The following CEP250 variants were observed in gnomAD, a reference collection of about 807,000 sequenced individuals.
CEP250 encodes centrosomal protein 250.
In CEP250, 242 loss-of-function variants were observed where a neutral mutation model predicts 315.7. The observed-to-expected ratio is 0.77, with a 90% CI of 0.69 to 0.85. The LOEUF is 0.85. CEP250 is among the 40% of genes least tolerant of loss of function. CEP250 has a pLI of 0.00. For missense variants in CEP250, 2,515 were observed against 2,886.4 expected (o/e 0.87, Z 2.95); for synonymous variants, 1,088 against 1,175.0 (o/e 0.93, Z 1.51).
chr20:35,512,246 C>A lies in CEP250; in HGVS notation c.*620C>A. Reference sequence around the variant, plus strand: ...AGAAGAACTGTAGAAATTCCAGGGGCTGAGGAAGGGAGGCACGAACTGGCC... The same window carrying A: ...AGAAGAACTGTAGAAATTCCAGGGGATGAGGAAGGGAGGCACGAACTGGCC... On this transcript the variant is annotated 3_prime_UTR_variant, in exon 35 of 35. Transcript: ENST00000397527. The A allele has an allele frequency of 5.8e-6, 1 of 172,464 alleles. No individual in the cohort carries two copies. Among genetic ancestry groups the A allele is most frequent in the Non-Finnish European group, 1.2e-5 (1 of 86,486 alleles). The allele number at this position is 172,464 out of a possible 1,614,324, so 10.7% of individuals were successfully genotyped here. A position where few individuals can be genotyped will look rare whatever the true frequency, so the allele number is the denominator to read the frequency against.
intron 5 of CEP250, among the ~76,000 whole-genome samples, chr20:35,465,503 G>A (rs2062853964): frequency 6.6e-6 from 1 of 151,960 alleles, no homozygotes; most frequent in Non-Finnish European, 1.5e-5. Flanking sequence ...AAGGCCATTA[G>A]TGAAAGATAC....
chr20:35,496,683 G>A lies in CEP250; in HGVS notation c.3274G>A (p.Ala1092Thr). 7 of 1,614,028 alleles carry A rather than the reference G, an allele frequency of 4.3e-6. No individual in the cohort carries two copies. Among genetic ancestry groups the A allele is most frequent in the Non-Finnish European group, 5.9e-6 (7 of 1,179,980 alleles). ...LSALRQDMQE[A>T]QGEQKELSAQ... ...TGCCCTGCGCCAGGACATGCAGGAGGCCCAGGGAGAACAGAAAGAGCTCAG... is the reference window on the plus strand; with the variant it reads ...TGCCCTGCGCCAGGACATGCAGGAGACCCAGGGAGAACAGAAAGAGCTCAG... Residue 1092 changes from alanine to threonine, a missense_variant, in exon 25 of 35, where the codon GCC becomes ACC. By Grantham distance (58) the Ala-to-Thr change is moderately conservative. Coordinates refer to ENST00000397527, the MANE Select transcript of CEP250 (RefSeq NM_007186.6).
chr20:35,496,581 ACT>A lies in CEP250; in HGVS notation c.3178_3179del (p.Ser1060ThrfsTer15), dbSNP rs2063839688. 1.2e-6 allele frequency: 2 copies of A among 1,613,288 alleles called. No individual in the cohort carries two copies. The highest frequency in any genetic ancestry group is 1.7e-5 in the Admixed American group (1 of 59,860). On this transcript the variant is annotated frameshift_variant, in exon 25 of 35. Coordinates refer to ENST00000397527, the MANE Select transcript of CEP250 (RefSeq NM_007186.6). LOFTEE classifies it high-confidence loss of function. ...CTCTGACCCCTCTCTTTTTAGCCTG[ACT>A]CTCTCACTGATGGAAAAGGAACAGA... is the stretch of plus-strand genomic sequence containing the variant. ...KELEREKASL[T>X]LSLMEKEQRL...
chr20:35,478,796 C>T (rs1478801637), intron 17 of CEP250, among the ~76,000 whole-genome samples: 2 of 152,200 alleles, frequency 1.3e-5, no homozygotes, highest in East Asian at 1.9e-4. Flanking sequence ...GTGCCTACCA[C>T]ATAACAGGGG....
chr20:35,505,844 C>T (rs1369261641), intron 30 of CEP250, among the ~76,000 whole-genome samples: 7 of 152,192 alleles, frequency 4.6e-5, no homozygotes, highest in African/African-American at 1.7e-4. Context: ...CCACACCTGT[C>T]AGGGCTTACA....
At chr20:35,470,520 C>T (rs1226705908) in intron 10 of CEP250, among the ~76,000 whole-genome samples, 2 of 152,176 alleles carry the variant, frequency 1.3e-5, no homozygotes, top group Admixed American at 1.3e-4. Flanking sequence ...GAAGCTGAGG[C>T]AGGCAGATCA....
chr20:35,497,482 G>A (rs571484596), intron 25 of CEP250, among the ~76,000 whole-genome samples: 37 of 152,218 alleles, frequency 2.4e-4, no homozygotes, highest in African/African-American at 8.9e-4. Flanking sequence ...GGAAGCCAGG[G>A]CTGAAGCCCA....
intron 30 of CEP250, among the ~76,000 whole-genome samples, chr20:35,505,996 T>C (rs1309764578): frequency 6.6e-6 from 1 of 152,162 alleles, no homozygotes; most frequent in Non-Finnish European, 1.5e-5. Context: ...ACTGGGAGGC[T>C]GTACTGGGAA....
intron 34 of CEP250, among the ~76,000 whole-genome samples, chr20:35,511,034 A>G (rs1374711381): frequency 6.6e-6 from 1 of 152,146 alleles, no homozygotes; most frequent in Non-Finnish European, 1.5e-5. Flanking sequence ...TTGAGTATAT[A>G]TTGTTATCAG....
At chr20:35,482,221 A>G (rs2063367974) in intron 20 of CEP250, among the ~76,000 whole-genome samples, 1 of 143,328 alleles carries the variant, frequency 7.0e-6, no homozygotes, top group South Asian at 2.5e-4. Flanking sequence ...TCTTGTGTTT[A>G]TTATTATTTT....
chr20:35,489,849 T>C (rs2063633427), intron 20 of CEP250, among the ~76,000 whole-genome samples: 1 of 152,172 alleles, frequency 6.6e-6, no homozygotes, highest in South Asian at 2.1e-4. Context: ...CAGTTCATTG[T>C]TACAACTGTC....
At chr20:35,499,454 T>A (rs998412383) in intron 27 of CEP250, among the ~76,000 whole-genome samples, 2 of 152,182 alleles carry the variant, frequency 1.3e-5, no homozygotes, top group Admixed American at 6.5e-5. Flanking sequence ...AAAGAGCTCA[T>A]AAATTCCACC....
chr20:35,479,621 C>T, intron 18 of CEP250, 25 bp from the exon 19 acceptor site: 1 of 1,613,022 alleles, frequency 6.2e-7, no homozygotes, highest in Middle Eastern at 1.7e-4. Context: ...GGGTAAGAAA[C>T]TCTTCTGATT....
In CEP250 at chr20:35,467,439, G is replaced by C; in HGVS notation, c.735G>C (p.Gln245His). Residue 245 changes from glutamine to histidine, a missense_variant, in exon 9 of 35, where the codon CAG becomes CAC. Gln to His is a conservative substitution (Grantham distance 24). Transcript: ENST00000397527. ...SGRMDGREPA[Q>H]LLLLLAKTQE... is the part of the protein sequence containing the mutation. Reference sequence around the variant, plus strand: ...GAATGGATGGGCGGGAGCCGGCCCAGCTGCTGCTGCTACTAGCCAAGACCC... The same window carrying C: ...GAATGGATGGGCGGGAGCCGGCCCACCTGCTGCTGCTACTAGCCAAGACCC... 1 of 1,614,202 alleles carries C rather than the reference G, an allele frequency of 6.2e-7. No individual in the cohort carries two copies. The highest frequency in any genetic ancestry group is 8.5e-7 in the Non-Finnish European group (1 of 1,180,018).
intron 20 of CEP250, among the ~76,000 whole-genome samples, chr20:35,481,729 G>T (rs73283702): frequency 0.032 from 4,864 of 151,722 alleles, 277 homozygotes; most frequent in African/African-American, 0.11. Flanking sequence ...TTGAGGCAGG[G>T]TCTCACTCTG....
intron 17 of CEP250, among the ~76,000 whole-genome samples, chr20:35,478,568 A>G (rs1195472590): frequency 6.6e-6 from 1 of 152,228 alleles, no homozygotes; most frequent in Non-Finnish European, 1.5e-5. Context: ...GCTCAAAAAA[A>G]CAAAAAGAAT....
rs2146794851 is a variant in CEP250 at position 35,473,558 on chromosome 20, C to T, written c.1388+6C>T. On this transcript the variant is annotated splice_donor_region_variant and intron_variant, in intron 13 of 34. Transcript: ENST00000397527. ...GAGGTGGACTCTCTCAGCAAGTGAG[C>T]AGACGGGCTGTTCATCCCACCCTCC... 3 of 1,604,040 alleles carry T rather than the reference C, an allele frequency of 1.9e-6. No individual in the cohort carries two copies. Among genetic ancestry groups the T allele is most frequent in the Admixed American group, 1.7e-5 (1 of 59,206 alleles).
At chr20:35,460,668 A>G (rs1176274642) in intron 3 of CEP250, among the ~76,000 whole-genome samples, 1 of 152,250 alleles carries the variant, frequency 6.6e-6, no homozygotes, top group Non-Finnish European at 1.5e-5. Context: ...GATTTTCCAA[A>G]GGAGCCAGAA....
chr20:35,487,414 G>A (rs2063545720), intron 20 of CEP250, among the ~76,000 whole-genome samples: 1 of 152,082 alleles, frequency 6.6e-6, no homozygotes, highest in Non-Finnish European at 1.5e-5. Context: ...AGGTTGCAGT[G>A]AGCCAAGATC....
Sources: gnomAD v4.1 joint callset for allele counts (sites outside exome capture counted in the v4.1 genomes callset) on GRCh38, gnomAD v4.1.1 for gene constraint, MANE v1.5 for transcripts, NCBI Gene and HGNC (gene_info 2026-07-23, HGNC 2026-07-21) for gene names.